EYS: variants seen among roughly 807,000 people sequenced by gnomAD.
The protein encoded by EYS is protein eyes shut homolog.
EYS carries 250 observed loss-of-function variants against 282.1 expected under a neutral mutation model. The ratio of observed to expected loss-of-function variants is 0.89; its 90% CI spans 0.80 to 0.98. EYS has a LOEUF of 0.98. EYS is among the 50% of genes least tolerant of loss of function. The probability of loss-of-function intolerance (pLI) is 0.00; values close to 1 mark genes in which losing one functional copy is unlikely to be tolerated. For synonymous variants in EYS, 1,355 were observed against 1,282.9 expected (o/e 1.06, Z -1.20); for missense variants, 4,016 against 3,709.0 (o/e 1.08, Z -2.15).
At chr6:65,173,251 T>C (rs1307265143) in intron 12 of EYS, among the ~76,000 whole-genome samples, 1 of 151,326 alleles carries the variant, frequency 6.6e-6, no homozygotes, top group African/African-American at 2.4e-5. Context: ...TGTAGTTCTT[T>C]TGGAACATGC....
At chr6:64,157,610 A>T (rs1413304221) in intron 31 of EYS, among the ~76,000 whole-genome samples, 1 of 152,172 alleles carries the variant, frequency 6.6e-6, no homozygotes, top group Non-Finnish European at 1.5e-5. Flanking sequence ...GGTGCCCTGC[A>T]TCCCAATTGC....
intron 29 of EYS, among the ~76,000 whole-genome samples, chr6:64,334,397 G>A (rs563682252): frequency 3.6e-4 from 55 of 152,210 alleles, no homozygotes; most frequent in African/African-American, 1.3e-3. Flanking sequence ...AGAATCAGAA[G>A]AAATGTGTTT....
chr6:65,216,544 T>C (rs1219226211), intron 12 of EYS, among the ~76,000 whole-genome samples: 1 of 151,924 alleles, frequency 6.6e-6, no homozygotes, highest in Admixed American at 6.6e-5. Context: ...TGAGAAGCAC[T>C]AGTTTGCTAT....
intron 35 of EYS, among the ~76,000 whole-genome samples, chr6:63,905,879 T>G (rs937541562): frequency 3.9e-5 from 6 of 152,210 alleles, no homozygotes; most frequent in African/African-American, 1.2e-4. Flanking sequence ...CGTTATGGCC[T>G]TTCTTGTCTG....
intron 1 of EYS, among the ~76,000 whole-genome samples, chr6:65,692,001 T>C (rs1353202096): frequency 2.0e-5 from 3 of 149,920 alleles, no homozygotes; most frequent in South Asian, 2.1e-4. Context: ...CTTCTCACAA[T>C]AGGAGATATG....
At chr6:64,263,736 G>C (rs544798466) in intron 30 of EYS, among the ~76,000 whole-genome samples, 2 of 152,072 alleles carry the variant, frequency 1.3e-5, no homozygotes, top group Non-Finnish European at 2.9e-5. Context: ...TGGATGTATA[G>C]GTTTGTAAAA....
At chr6:63,909,756 C>A (rs1179220801) in intron 35 of EYS, among the ~76,000 whole-genome samples, 1 of 152,180 alleles carries the variant, frequency 6.6e-6, no homozygotes, top group Non-Finnish European at 1.5e-5. Flanking sequence ...GTAAGAAATT[C>A]TGGTGTCTGA....
intron 24 of EYS, among the ~76,000 whole-genome samples, chr6:64,616,515 T>G (rs1001910374): frequency 6.6e-6 from 1 of 152,154 alleles, no homozygotes; most frequent in Admixed American, 6.6e-5. Context: ...CTTCTACAAT[T>G]GATTTTTCAA....
At chr6:64,758,842 T>C (rs180816045) in intron 22 of EYS, among the ~76,000 whole-genome samples, 1 of 152,076 alleles carries the variant, frequency 6.6e-6, no homozygotes, top group African/African-American at 2.4e-5. Flanking sequence ...CCAATGATAG[T>C]AGAAAATTAG....
intron 23 of EYS, among the ~76,000 whole-genome samples, chr6:64,620,304 C>T (rs76377996): frequency 1.0e-3 from 158 of 152,210 alleles, no homozygotes; most frequent in Non-Finnish European, 2.1e-3. Flanking sequence ...AGGCAGCTGC[C>T]GTTTCAATGC....
At chr6:63,920,533 C>T (rs1350395667) in intron 35 of EYS, among the ~76,000 whole-genome samples, 3 of 152,160 alleles carry the variant, frequency 2.0e-5, no homozygotes, top group African/African-American at 7.2e-5. Context: ...GTGGCAAAAA[C>T]TTCTCCTTCC....
At chr6:64,732,731 C>A (rs938053347) in intron 22 of EYS, among the ~76,000 whole-genome samples, 1 of 107,362 alleles carries the variant, frequency 9.3e-6, no homozygotes, top group Admixed American at 1.1e-4. Context: ...GCAGATAATA[C>A]AAATAAATGA....
intron 12 of EYS, among the ~76,000 whole-genome samples, chr6:65,210,540 A>G (rs1446146785): frequency 6.6e-6 from 1 of 152,046 alleles, no homozygotes; most frequent in East Asian, 1.9e-4. Flanking sequence ...TACTATGCTC[A>G]CTGGAAAATA....
At chr6:64,242,470 C>T (rs1766867081) in intron 30 of EYS, among the ~76,000 whole-genome samples, 1 of 152,008 alleles carries the variant, frequency 6.6e-6, no homozygotes, top group Non-Finnish European at 1.5e-5. Flanking sequence ...AAAATACCCT[C>T]TACATGTTTC....
At chr6:64,039,657 T>C (rs1770291031) in intron 33 of EYS, among the ~76,000 whole-genome samples, 1 of 152,150 alleles carries the variant, frequency 6.6e-6, no homozygotes, top group African/African-American at 2.4e-5. Context: ...AAGGTTGCCA[T>C]TGTTTTAATG....
At chr6:65,449,717 G>A (rs535023054) in intron 5 of EYS, among the ~76,000 whole-genome samples, 12 of 151,990 alleles carry the variant, frequency 7.9e-5, no homozygotes, top group Non-Finnish European at 1.5e-4. Context: ...AAAGGACCTT[G>A]TTCATTTCCT....
At chr6:65,191,025 A>G (rs1174186207) in intron 12 of EYS, among the ~76,000 whole-genome samples, 1 of 151,854 alleles carries the variant, frequency 6.6e-6, no homozygotes, top group Non-Finnish European at 1.5e-5. Context: ...AGCTAAATCT[A>G]TTCCCGCCTT....
At chr6:65,606,204 CA>C (rs1363254042) in intron 2 of EYS, among the ~76,000 whole-genome samples, 1 of 149,334 alleles carries the variant, frequency 6.7e-6, no homozygotes, top group Non-Finnish European at 1.5e-5. Context: ...AACCAGTATT[CA>C]AAAATAGTTT....
rs148262400 is a variant in EYS, at chr6:64,011,884, C to T, written c.6726-12701G>A. Among the ~76,000 whole-genome samples the T allele has an allele frequency of 9.4e-3, 1,427 of 152,252 alleles. 10 individuals are homozygous for T. Among genetic ancestry groups the T allele is most frequent in the South Asian group, 0.014 (66 of 4,820 alleles). On this transcript the variant is annotated intron_variant, in intron 33 of 42. Coordinates refer to ENST00000503581, the MANE Select transcript of EYS (RefSeq NM_001142800.2). Reference sequence around the variant, plus strand: ...ACTGAATGCTTTCACAGGTGCAAAACATAAATGTTCTTTTCTCTTGTCTTT... The same window carrying T: ...ACTGAATGCTTTCACAGGTGCAAAATATAAATGTTCTTTTCTCTTGTCTTT...
Sources: allele counts gnomAD v4.1 joint callset (sites outside exome capture counted in the v4.1 genomes callset), GRCh38; gene constraint gnomAD v4.1.1; transcripts MANE v1.5; gene names NCBI Gene and HGNC (gene_info 2026-07-23, HGNC 2026-07-21).